The following PATJ variants were observed in gnomAD, a reference collection of about 807,000 sequenced individuals.
The protein encoded by PATJ is inaD-like protein.
PATJ carries 190 observed loss-of-function variants against 224.9 expected under a neutral mutation model. The observed-to-expected ratio is 0.84, with a 90% CI of 0.75 to 0.95. PATJ has a LOEUF of 0.95. PATJ is among the 40% of genes least tolerant of loss of function. The pLI is 0.00. For missense variants in PATJ, 2,121 were observed against 2,270.3 expected (o/e 0.93, Z 1.34); for synonymous variants, 769 against 820.3 (o/e 0.94, Z 1.07).
intron 28 of PATJ, among the ~76,000 whole-genome samples, chr1:62,015,757 C>G (rs1646737608): frequency 6.6e-6 from 1 of 152,092 alleles, no homozygotes; most frequent in Non-Finnish European, 1.5e-5. Flanking sequence ...CAGTCTGTCA[C>G]CCACACTGGA....
intron 38 of PATJ, 100 bp downstream of exon 38, chr1:62,121,395 T>C: frequency 1.3e-6 from 1 of 748,892 alleles, no homozygotes; most frequent in Non-Finnish European, 2.2e-6. Context: ...ATAAATGTTT[T>C]TTAATTTTTT....
At chr1:62,093,706 T>C (rs1661052464) in intron 33 of PATJ, among the ~76,000 whole-genome samples, 1 of 152,230 alleles carries the variant, frequency 6.6e-6, no homozygotes, top group African/African-American at 2.4e-5. Flanking sequence ...AAAAATATTA[T>C]GTAAGCTAAG....
chr1:61,833,935 A>G, intron 17 of PATJ, 150 bp downstream of exon 17: 1 of 613,644 alleles, frequency 1.6e-6, no homozygotes, highest in Non-Finnish European at 2.8e-6. Flanking sequence ...GTTACCTTTA[A>G]AATTAGTAGC....
chr1:62,063,385 C>T (rs573522679), intron 31 of PATJ, among the ~76,000 whole-genome samples: 112 of 152,126 alleles, frequency 7.4e-4, no homozygotes, highest in African/African-American at 2.6e-3. Context: ...TGTGCCAGTA[C>T]CATGCTGTTT....
At chr1:62,126,096 G>T (rs1265704674) in intron 39 of PATJ, among the ~76,000 whole-genome samples, 1 of 152,264 alleles carries the variant, frequency 6.6e-6, no homozygotes. Context: ...TGCTGGTTTG[G>T]GTCTGTCTCA....
At chr1:61,833,173 C>T (rs1024713935) in intron 16 of PATJ, among the ~76,000 whole-genome samples, 2 of 152,026 alleles carry the variant, frequency 1.3e-5, no homozygotes, top group South Asian at 2.1e-4. Context: ...TTCCTGGAGC[C>T]AGCAGAAGTG....
In PATJ at chr1:62,086,917, G is replaced by A. The variant is rs145889064; in HGVS notation, c.4377+2269G>A. 5.0e-4 allele frequency among the ~76,000 whole-genome samples: 76 copies of A among 152,134 alleles called. No homozygotes were observed. The highest frequency in any genetic ancestry group is 1.7e-3 in the African/African-American group (72 of 41,506). On this transcript the variant is annotated intron_variant, in intron 33 of 43. Coordinates refer to ENST00000642238, the MANE Select transcript of PATJ (RefSeq NM_001350145.3). The surrounding 1 kb of genome is among the most constrained non-coding windows in gnomAD (Gnocchi z 4.0). ...GGCCAGACCAGGTAGGGGTGCCTGC[G>A]ACCCCTGAAGCCCCAGAGAGTGTGT... is the stretch of plus-strand genomic sequence containing the variant.
chr1:61,844,658 T>TAA (rs1166936162), intron 17 of PATJ, among the ~76,000 whole-genome samples: 1 of 152,198 alleles, frequency 6.6e-6, no homozygotes, highest in East Asian at 1.9e-4. Context: ...TCATAGGTGA[T>TAA]ACGGTTTGCC....
chr1:61,957,994 G>T (rs1680676473), intron 27 of PATJ, among the ~76,000 whole-genome samples: 1 of 152,088 alleles, frequency 6.6e-6, no homozygotes, highest in Admixed American at 6.6e-5. Context: ...TGATTAAATG[G>T]CATAAAATAT....
chr1:62,043,094 T>G (rs952224387), intron 30 of PATJ, among the ~76,000 whole-genome samples: 3 of 152,230 alleles, frequency 2.0e-5, no homozygotes, highest in Non-Finnish European at 4.4e-5. Context: ...GTTTTGGTTT[T>G]GGCTCTACCA....
intron 19 of PATJ, among the ~76,000 whole-genome samples, chr1:61,862,563 G>A (rs530471200): frequency 2.0e-5 from 3 of 152,220 alleles, no homozygotes; most frequent in East Asian, 1.9e-4. Context: ...AAGGCACGAC[G>A]TAAAGCATTT....
chr1:62,158,719 T>TAAAA (rs1558251053), intron 43 of PATJ, among the ~76,000 whole-genome samples: 2 of 27,944 alleles, frequency 7.2e-5, no homozygotes, highest in African/African-American at 3.0e-4. Context: ...AGACTCTGTC[T>TAAAA]CAAAAAAAAA....
chr1:61,861,946 C>T (rs1344881354), intron 19 of PATJ, among the ~76,000 whole-genome samples: 1 of 152,116 alleles, frequency 6.6e-6, no homozygotes, highest in Non-Finnish European at 1.5e-5. Flanking sequence ...TCTGTAATCT[C>T]TGCCTCCCAG....
At chr1:61,883,407 G>A (rs1267696793) in intron 21 of PATJ, among the ~76,000 whole-genome samples, 2 of 151,988 alleles carry the variant, frequency 1.3e-5, no homozygotes, top group African/African-American at 2.4e-5. Context: ...ATAAAATATG[G>A]TTGATAGTGT....
chr1:62,033,187 G>A (rs543935109), intron 29 of PATJ, among the ~76,000 whole-genome samples: 10 of 152,288 alleles, frequency 6.6e-5, no homozygotes, highest in African/African-American at 2.4e-4. Context: ...TCAAAGGCAA[G>A]AATGGTCTTT....
intron 33 of PATJ, among the ~76,000 whole-genome samples, chr1:62,098,187 A>G (rs951289821): frequency 1.3e-5 from 2 of 151,924 alleles, no homozygotes; most frequent in African/African-American, 2.4e-5. Context: ...GTGAAACCCC[A>G]TCTTTATTAA....
intron 33 of PATJ, among the ~76,000 whole-genome samples, chr1:62,092,447 G>A (rs1038513205): frequency 6.6e-6 from 1 of 151,216 alleles, no homozygotes; most frequent in Non-Finnish European, 1.5e-5. Context: ...ATGATAAAAA[G>A]TCCTGCGAAT....
At chr1:62,010,608 G>A (rs1316247255) in intron 28 of PATJ, among the ~76,000 whole-genome samples, 1 of 152,070 alleles carries the variant, frequency 6.6e-6, no homozygotes, top group African/African-American at 2.4e-5. Flanking sequence ...GCAAATGACA[G>A]GATTTCATTC....
Position 62,128,068 on chromosome 1 carries a change from G to A in PATJ, c.5140G>A (p.Val1714Met), listed in dbSNP as rs1665908170. The A allele has an allele frequency of 6.2e-7, 1 of 1,614,186 alleles. No homozygotes were observed. Among genetic ancestry groups the A allele is most frequent in the African/African-American group, 1.3e-5 (1 of 75,060 alleles). ...VFIAMIQASG[V>M]AARTQKLKVG... Reference sequence around the variant, plus strand: ...TATTGCCATGATTCAGGCTAGCGGAGTGGCCGCACGGACACAGAAGCTTAA... The same window carrying A: ...TATTGCCATGATTCAGGCTAGCGGAATGGCCGCACGGACACAGAAGCTTAA... The change falls in exon 40 of 44, where the codon GTG (valine) becomes ATG (methionine). Residue 1714 changes from valine to methionine, a missense_variant. Coordinates refer to ENST00000642238, the MANE Select transcript of PATJ (RefSeq NM_001350145.3).
Sources: gnomAD v4.1 joint callset for allele counts (sites outside exome capture counted in the v4.1 genomes callset) on GRCh38, gnomAD v4.1.1 for gene constraint, Gnocchi (gnomAD v3.1) non-coding constraint, MANE v1.5 for transcripts, NCBI Gene and HGNC (gene_info 2026-07-23, HGNC 2026-07-21) for gene names.